NUP210L: variants seen among roughly 807,000 people sequenced by gnomAD.
The protein encoded by NUP210L is nucleoporin 210 like, also known as nuclear pore membrane glycoprotein 210-like.
In NUP210L, 74 loss-of-function variants were observed where a neutral mutation model predicts 208.5. That is an observed-to-expected ratio of 0.35 (90% CI 0.29 to 0.43). NUP210L has a LOEUF of 0.43. NUP210L is among the 20% of genes least tolerant of loss of function. The pLI, the probability that NUP210L is intolerant of heterozygous loss-of-function variation, is 1.00. For missense variants in NUP210L, 1,843 were observed against 2,289.4 expected (o/e 0.81, Z 3.98); for synonymous variants, 780 against 816.9 (o/e 0.95, Z 0.77).
At chr1:154,058,326 G>A (rs1007442368) in intron 21 of NUP210L, 110 bp from the exon 22 acceptor site, 1 of 1,230,172 alleles carries the variant, frequency 8.1e-7, no homozygotes, top group African/African-American at 1.5e-5. Flanking sequence ...AATGATCCTG[G>A]TCAGCCTTCA....
intron 12 of NUP210L, among the ~76,000 whole-genome samples, chr1:154,115,939 T>C (rs1657298600): frequency 6.6e-6 from 1 of 151,892 alleles, no homozygotes; most frequent in Non-Finnish European, 1.5e-5. Flanking sequence ...GCCATAATGG[T>C]GAAACCCCGT....
intron 16 of NUP210L, among the ~76,000 whole-genome samples, chr1:154,086,455 T>C (rs905072498): frequency 1.3e-5 from 2 of 152,116 alleles, no homozygotes; most frequent in African/African-American, 4.8e-5. Context: ...ACAACCATAG[T>C]AACAAAATTG....
intron 25 of NUP210L, among the ~76,000 whole-genome samples, chr1:154,048,911 G>A (rs574669751): frequency 3.0e-4 from 45 of 152,186 alleles, no homozygotes; most frequent in Non-Finnish European, 2.9e-4. Context: ...CGTATAGCAC[G>A]GCTCCTGATT....
At chr1:154,107,152 A>G (rs1366704394) in intron 12 of NUP210L, among the ~76,000 whole-genome samples, 1 of 152,150 alleles carries the variant, frequency 6.6e-6, no homozygotes, top group Non-Finnish European at 1.5e-5. Context: ...CAAATATAAC[A>G]AAGATATTGA....
At chr1:154,118,676 C>G (rs780919584) in exon 11 of NUP210L, 5 of 1,590,876 alleles carry the variant, frequency 3.1e-6, no homozygotes, top group Non-Finnish European at 4.3e-6. Flanking sequence ...CATACCTGTA[C>G]TTTATAACGA....
chr1:154,007,584 A>G (rs1650637228), intron 35 of NUP210L, among the ~76,000 whole-genome samples: 1 of 149,162 alleles, frequency 6.7e-6, no homozygotes, highest in Non-Finnish European at 1.5e-5. Flanking sequence ...CTATTTATTT[A>G]TTTATTGAAA....
At chr1:154,072,579 G>T (rs2790683) in intron 16 of NUP210L, among the ~76,000 whole-genome samples, 3 of 151,742 alleles carry the variant, frequency 2.0e-5, no homozygotes. Context: ...TGATCCGCCC[G>T]CCTTGACCTC....
intron 3 of NUP210L, among the ~76,000 whole-genome samples, chr1:154,142,670 C>T (rs1658913643): frequency 6.6e-6 from 1 of 151,922 alleles, no homozygotes. Flanking sequence ...GAAGGCAGAT[C>T]ACTTGAGGCC....
chr1:154,065,711 G>A (rs527456125), intron 17 of NUP210L, among the ~76,000 whole-genome samples: 1 of 151,948 alleles, frequency 6.6e-6, no homozygotes, highest in South Asian at 2.1e-4. Context: ...TGGGCAACAT[G>A]GTGAAACTCG....
At chr1:153,995,868 T>C (rs1649825786) in intron 37 of NUP210L, 9 of 573,764 alleles carry the variant, frequency 1.6e-5, no homozygotes, top group South Asian at 1.3e-4. Flanking sequence ...GTGTGCTAAA[T>C]GTGTTCGTGA....
intron 7 of NUP210L, among the ~76,000 whole-genome samples, chr1:154,132,066 C>T (rs1349327725): frequency 6.6e-6 from 1 of 152,232 alleles, no homozygotes; most frequent in Non-Finnish European, 1.5e-5. Flanking sequence ...CTCAGCCTCC[C>T]AAAGTGCTGG....
At chr1:154,041,541 G>A (rs1170193292) in intron 27 of NUP210L, among the ~76,000 whole-genome samples, 1 of 151,858 alleles carries the variant, frequency 6.6e-6, no homozygotes, top group Non-Finnish European at 1.5e-5. Flanking sequence ...ATGTTGGCCA[G>A]GCTGGTCTAG....
chr1:154,010,189 A>G, intron 34 of NUP210L, 68 bp from the exon 35 acceptor site: 2 of 1,443,498 alleles, frequency 1.4e-6, no homozygotes, highest in Non-Finnish European at 1.9e-6. Context: ...AGACCATTAT[A>G]TGGAGGCAAT....
At chr1:154,041,738 T>A (rs1332177867) in intron 27 of NUP210L, among the ~76,000 whole-genome samples, 1 of 152,142 alleles carries the variant, frequency 6.6e-6, no homozygotes, top group East Asian at 1.9e-4. Flanking sequence ...TAGCGAGGAT[T>A]AGAACTTGAT....
At chr1:154,001,137 A>AC in intron 36 of NUP210L, 77 bp from the exon 37 acceptor site, 3 of 1,094,618 alleles carry the variant, frequency 2.7e-6, no homozygotes, top group Non-Finnish European at 4.0e-6. Context: ...TCTGAAACAT[A>AC]TACAGTACAA....
At chr1:154,031,419 T>C (rs1010838557) in intron 27 of NUP210L, among the ~76,000 whole-genome samples, 3 of 152,142 alleles carry the variant, frequency 2.0e-5, no homozygotes, top group Non-Finnish European at 4.4e-5. Context: ...AATAAGTTAT[T>C]GTTGACTGTA....
At chr1:154,110,282 ATTTTT>A (rs1414124275) in intron 12 of NUP210L, among the ~76,000 whole-genome samples, 1 of 142,254 alleles carries the variant, frequency 7.0e-6, no homozygotes, top group South Asian at 2.2e-4. Flanking sequence ...CCAATGTTGT[ATTTTT>A]TTTTTTTGAC....
intron 35 of NUP210L, among the ~76,000 whole-genome samples, chr1:154,006,184 T>A (rs2147896794): frequency 6.6e-6 from 1 of 152,130 alleles, no homozygotes; most frequent in South Asian, 2.1e-4. Context: ...TTTATTTTAT[T>A]CATTTATTTA....
At chr1:154,126,358 C>T (rs761183065) in exon 10 of NUP210L, 2 of 1,613,470 alleles carry the variant, frequency 1.2e-6, no homozygotes, top group Non-Finnish European at 1.7e-6. Context: ...GCATTTATTA[C>T]CACAACACCA....
Sources: allele counts gnomAD v4.1 joint callset (sites outside exome capture counted in the v4.1 genomes callset), GRCh38; gene constraint gnomAD v4.1.1; transcripts MANE v1.5; gene names NCBI Gene and HGNC (gene_info 2026-07-23, HGNC 2026-07-21).